The following TACC2 variants were observed in gnomAD, a reference collection of about 807,000 sequenced individuals.
TACC2 encodes the protein transforming acidic coiled-coil-containing protein 2.
Under a neutral mutation model 227.3 loss-of-function variants are expected in TACC2, and 137 were observed. The observed-to-expected ratio is 0.60, with a 90% confidence interval of 0.52 to 0.69. The LOEUF (loss-of-function observed/expected upper bound fraction) is 0.69. TACC2 is among the 30% of genes least tolerant of loss of function. TACC2 has a pLI of 0.00. For synonymous variants in TACC2, 1,523 were observed against 1,487.5 expected (o/e 1.02, Z -0.55); for missense variants, 3,470 against 3,694.4 (o/e 0.94, Z 1.57).
At chr10:122,159,688 C>T (rs1358821366) in intron 7 of TACC2, among the ~76,000 whole-genome samples, 1 of 152,184 alleles carries the variant, frequency 6.6e-6, no homozygotes, top group Non-Finnish European at 1.5e-5. Context: ...CTGCTCGCCA[C>T]CATGGTATAG....
At chr10:122,117,757 C>T (rs985594971) in intron 5 of TACC2, among the ~76,000 whole-genome samples, 1 of 152,168 alleles carries the variant, frequency 6.6e-6, no homozygotes, top group African/African-American at 2.4e-5. Context: ...GGCTAGCATT[C>T]TTGCACTGAA....
intron 7 of TACC2, among the ~76,000 whole-genome samples, chr10:122,175,998 T>C (rs988578174): frequency 1.3e-5 from 2 of 151,550 alleles, no homozygotes; most frequent in Non-Finnish European, 2.9e-5. Context: ...GGAGGATCGC[T>C]TGAACCCAGG....
At chr10:122,154,359 CA>C (rs2092320075) in intron 7 of TACC2, among the ~76,000 whole-genome samples, 2 of 152,212 alleles carry the variant, frequency 1.3e-5, no homozygotes, top group Admixed American at 6.5e-5. Flanking sequence ...AGTCACTGCA[CA>C]GGGGAAATGC....
intron 6 of TACC2, among the ~76,000 whole-genome samples, chr10:122,142,699 G>C (rs1477637940): frequency 6.6e-6 from 1 of 152,204 alleles, no homozygotes; most frequent in South Asian, 2.1e-4. Context: ...CCTCAGGCTG[G>C]GTTTCAGGCC....
At chr10:122,251,119 C>T (rs922785316) in intron 22 of TACC2, among the ~76,000 whole-genome samples, 2 of 151,774 alleles carry the variant, frequency 1.3e-5, no homozygotes, top group Non-Finnish European at 1.5e-5. Flanking sequence ...GAGATGGGGT[C>T]TCACTTTGTT....
chr10:122,227,837 G>T lies in TACC2; in HGVS notation c.7725G>T (p.Gly2575=), dbSNP rs1589754619. 2 of 1,607,220 alleles carry T rather than the reference G, an allele frequency of 1.2e-6. No individual in the cohort carries two copies. Among genetic ancestry groups the T allele is most frequent in the East Asian group, 4.5e-5 (2 of 44,774 alleles). ...GAAAGATGCCCTTTGCTTCCCCCAG[G>T]TCAAGTTTTGAAGAGACTGAAGCCC... ...RMSESPTPCS[G]SSFEETEALV... Residue 2575 remains glycine (G), a splice_region_variant and synonymous_variant, in exon 14 of 23, where the codon GGG becomes GGT. Transcript: ENST00000369005.
intron 18 of TACC2, among the ~76,000 whole-genome samples, chr10:122,238,697 C>T (rs1168945507): frequency 2.6e-5 from 4 of 151,940 alleles, no homozygotes; most frequent in East Asian, 1.9e-4. Flanking sequence ...ATGATCCACC[C>T]GCCTCGGCCT....
chr10:122,212,680 A>T (rs1293353008), intron 9 of TACC2, among the ~76,000 whole-genome samples: 1 of 152,184 alleles, frequency 6.6e-6, no homozygotes, highest in Admixed American at 6.5e-5. Context: ...TTTACCTCCC[A>T]TTCTGGGCTC....
At position 122,085,079 on chromosome 10, in the gene TACC2, C is replaced by CA. The variant is rs747873325; in HGVS notation, c.2581dup (p.Ser861LysfsTer6). 2.0e-5 allele frequency: 32 copies of CA among 1,614,056 alleles called. No homozygotes were observed. Among genetic ancestry groups the CA allele is most frequent in the Non-Finnish European group, 2.5e-5 (30 of 1,180,046 alleles). ...CCTGAAAATGGGAAAGAGACTTCTCCAAGCCATCCAGGTTTTAAGGACCAG... is the reference window on the plus strand; with the variant it reads ...CCTGAAAATGGGAAAGAGACTTCTCCAAAGCCATCCAGGTTTTAAGGACCAG... On this transcript the variant is annotated frameshift_variant, in exon 4 of 23. Coordinates refer to ENST00000369005, the MANE Select transcript of TACC2 (RefSeq NM_206862.4). LOFTEE classifies it high-confidence loss of function.
At chr10:122,154,921 G>C (rs1422265800) in intron 7 of TACC2, among the ~76,000 whole-genome samples, 1 of 152,208 alleles carries the variant, frequency 6.6e-6, no homozygotes, top group African/African-American at 2.4e-5. Context: ...ATGGAGGCTT[G>C]AGTCAGCAGT....
intron 5 of TACC2, among the ~76,000 whole-genome samples, chr10:122,107,621 T>A (rs1332357206): frequency 2.0e-5 from 3 of 151,756 alleles, no homozygotes; most frequent in Non-Finnish European, 4.4e-5. Context: ...AATAATTTTT[T>A]AAAAAAGAAT....
At chr10:122,066,423 C>T (rs1017910931) in intron 3 of TACC2, among the ~76,000 whole-genome samples, 1 of 152,164 alleles carries the variant, frequency 6.6e-6, no homozygotes. Flanking sequence ...TGTGCACCAC[C>T]ACACCCAGCT....
rs148656755 is a variant in TACC2 at position 122,013,015 on chromosome 10, G to A, written c.-45-8922G>A. Reference sequence around the variant, plus strand: ...AGAGCAGTTGGCAAAGCAGAAATGGGGCTTGCAGAGTCCCCCAACATCTGA... The same window carrying A: ...AGAGCAGTTGGCAAAGCAGAAATGGAGCTTGCAGAGTCCCCCAACATCTGA... On this transcript the variant is annotated intron_variant, in intron 1 of 22. Transcript: ENST00000369005. 9.2e-5 allele frequency among the ~76,000 whole-genome samples: 14 copies of A among 152,262 alleles called. No homozygotes were observed. In the South Asian group the frequency reaches 1.7e-3, roughly 18 times the overall value.
At chr10:122,123,599 G>C (rs7078490) in intron 5 of TACC2, among the ~76,000 whole-genome samples, 14,996 of 152,116 alleles carry the variant, frequency 0.099, 1,201 homozygotes, top group African/African-American at 0.22. Context: ...TGGTCAGTTC[G>C]GTCATGCCCA....
At chr10:122,206,099 AAG>A (rs1231355754) in intron 8 of TACC2, among the ~76,000 whole-genome samples, 2 of 150,332 alleles carry the variant, frequency 1.3e-5, no homozygotes, top group Admixed American at 6.6e-5. Context: ...GGCGGGGGGA[AAG>A]AGGGGAGGAT....
intron 7 of TACC2, among the ~76,000 whole-genome samples, chr10:122,166,148 C>T (rs896147357): frequency 1.3e-5 from 2 of 152,112 alleles, no homozygotes; most frequent in African/African-American, 2.4e-5. Context: ...GCACCTGCCG[C>T]GGGGGACAGC....
At chr10:121,989,724 T>C (rs1461663076) in intron 1 of TACC2, among the ~76,000 whole-genome samples, 2 of 151,958 alleles carry the variant, frequency 1.3e-5, no homozygotes, top group African/African-American at 2.4e-5. Flanking sequence ...GAAAAAATTA[T>C]GATTTATTTT....
intron 7 of TACC2, among the ~76,000 whole-genome samples, chr10:122,170,012 A>G (rs1322327): frequency 0.54 from 81,775 of 152,028 alleles, 24,316 homozygotes; most frequent in African/African-American, 0.81. Flanking sequence ...TGGCCTCCCA[A>G]AATGCTAGGA....
chr10:122,097,242 T>A (rs2081546352), intron 5 of TACC2, among the ~76,000 whole-genome samples: 1 of 151,968 alleles, frequency 6.6e-6, no homozygotes, highest in Non-Finnish European at 1.5e-5. Flanking sequence ...GGTGGGAGGA[T>A]CGCTTGAGCC....
Sources: gnomAD v4.1 joint callset for allele counts (sites outside exome capture counted in the v4.1 genomes callset) on GRCh38, gnomAD v4.1.1 for gene constraint, MANE v1.5 for transcripts, NCBI Gene and HGNC (gene_info 2026-07-23, HGNC 2026-07-21) for gene names.